The following NBEA variants were observed in gnomAD, a reference collection of about 807,000 sequenced individuals.
NBEA encodes the protein lysosomal-trafficking regulator 2.
In NBEA, 44 loss-of-function variants were observed where a neutral mutation model predicts 343.4. The observed-to-expected ratio is 0.13, with a 90% confidence interval of 0.10 to 0.16. The LOEUF (loss-of-function observed/expected upper bound fraction) is 0.16. NBEA is among the 10% of genes least tolerant of loss of function. NBEA has a pLI of 1.00. For missense variants in NBEA, 2,555 were observed against 3,631.3 expected, an observed-to-expected ratio of 0.70 and a Z score of 7.62; for synonymous variants, 1,175 against 1,238.7, an observed-to-expected ratio of 0.95 and a Z score of 1.08.
chr13:35,046,756 G>A (rs1566205812), intron 4 of NBEA, among the ~76,000 whole-genome samples: 2 of 152,048 alleles, frequency 1.3e-5, no homozygotes, highest in African/African-American at 4.8e-5. Flanking sequence ...ATATCTTAAT[G>A]TACTGTACTC....
chr13:35,440,322 C>G (rs1234022104), intron 39 of NBEA, among the ~76,000 whole-genome samples: 1 of 152,160 alleles, frequency 6.6e-6, no homozygotes, highest in East Asian at 1.9e-4. Context: ...TGTCATGGAA[C>G]TAATTTAGAT....
chr13:34,993,924 A>C (rs181778643), intron 1 of NBEA, among the ~76,000 whole-genome samples: 95 of 152,180 alleles, frequency 6.2e-4, no homozygotes, highest in African/African-American at 2.1e-3. Context: ...GGGGCTGGGC[A>C]TGGTGGCTCA....
intron 1 of NBEA, among the ~76,000 whole-genome samples, chr13:34,992,200 GTGTGTGTGTGTGTGTGTGTATA>G (rs2060777855): frequency 8.1e-6 from 1 of 123,254 alleles, no homozygotes; most frequent in Admixed American, 8.9e-5. Context: ...GTATATATAT[GTGTGTGTGTGTGTGTGTGTATA>G]TGTGTGTGTG....
At chr13:35,341,883 C>G (rs945755239) in intron 36 of NBEA, among the ~76,000 whole-genome samples, 2 of 151,980 alleles carry the variant, frequency 1.3e-5, no homozygotes, top group East Asian at 3.9e-4. Flanking sequence ...GATACATCCT[C>G]AAGAGAATTG....
At chr13:35,475,764 C>G in intron 41 of NBEA, 1 of 1,613,936 alleles carries the variant, frequency 6.2e-7, no homozygotes, top group Non-Finnish European at 8.5e-7. Flanking sequence ...GGATTTTGCG[C>G]GCCGAGAGGT....
intron 27 of NBEA, among the ~76,000 whole-genome samples, chr13:35,174,824 C>T (rs141753591): frequency 0.021 from 3,210 of 149,672 alleles, 114 homozygotes; most frequent in African/African-American, 0.07. Context: ...GATGGAGTCT[C>T]ACTCTGTTGC....
intron 41 of NBEA, among the ~76,000 whole-genome samples, chr13:35,549,137 C>T (rs571020140): frequency 3.3e-5 from 5 of 152,160 alleles, no homozygotes; most frequent in South Asian, 2.1e-4. Flanking sequence ...TTTAAATAGA[C>T]GTCTGACTGC....
intron 36 of NBEA, among the ~76,000 whole-genome samples, chr13:35,332,939 A>G (rs2039018499): frequency 6.6e-6 from 1 of 152,116 alleles, no homozygotes; most frequent in Non-Finnish European, 1.5e-5. Context: ...AGGGGAAGGA[A>G]TTCCCTCAGT....
chr13:35,651,309 G>A (rs1419178444), intron 52 of NBEA, among the ~76,000 whole-genome samples: 1 of 152,012 alleles, frequency 6.6e-6, no homozygotes, highest in East Asian at 1.9e-4. Context: ...TGAAAAAAAG[G>A]CCCCATTGGA....
intron 10 of NBEA, among the ~76,000 whole-genome samples, chr13:35,081,023 A>G (rs1364453263): frequency 6.6e-6 from 1 of 152,162 alleles, no homozygotes; most frequent in Admixed American, 6.6e-5. Context: ...TTATACCGCT[A>G]AAAGGTTTAC....
At chr13:35,320,723 C>A (rs1482319444) in intron 36 of NBEA, among the ~76,000 whole-genome samples, 1 of 152,170 alleles carries the variant, frequency 6.6e-6, no homozygotes, top group African/African-American at 2.4e-5. Context: ...CCATCACTTT[C>A]AGGTACACCA....
intron 29 of NBEA, 59 bp from the exon 30 acceptor site, chr13:35,183,917 G>C: frequency 8.2e-7 from 1 of 1,222,312 alleles, no homozygotes; most frequent in Non-Finnish European, 1.2e-6. Context: ...ATCTTCAGTG[G>C]ACCATGTGGC....
intron 33 of NBEA, among the ~76,000 whole-genome samples, chr13:35,223,358 A>G (rs2074479936): frequency 6.6e-6 from 1 of 152,184 alleles, no homozygotes; most frequent in Non-Finnish European, 1.5e-5. Context: ...TTTGTTGTCT[A>G]AAAGGTCTTT....
At chr13:34,963,254 C>T (rs1473496183) in intron 1 of NBEA, among the ~76,000 whole-genome samples, 2 of 152,106 alleles carry the variant, frequency 1.3e-5, no homozygotes, top group Middle Eastern at 3.4e-3. Flanking sequence ...CTGAACCTTT[C>T]TCCTTGGCTT....
At chr13:34,973,637 G>T (rs2060071039) in intron 1 of NBEA, among the ~76,000 whole-genome samples, 1 of 152,146 alleles carries the variant, frequency 6.6e-6, no homozygotes, top group Non-Finnish European at 1.5e-5. Context: ...GGGCCTGCAG[G>T]CTGGAACAGC....
chr13:35,637,747 G>A (rs182897991), intron 49 of NBEA, among the ~76,000 whole-genome samples: 5 of 152,010 alleles, frequency 3.3e-5, no homozygotes, highest in East Asian at 1.9e-4. Context: ...ACTTGAACCC[G>A]GGAGGCGGAG....
At chr13:35,404,042 C>T (rs530501272) in intron 38 of NBEA, among the ~76,000 whole-genome samples, 60 of 152,252 alleles carry the variant, frequency 3.9e-4, no homozygotes, top group African/African-American at 1.3e-3. Context: ...AAATCAAAAC[C>T]ACAATGAGAT....
intron 45 of NBEA, among the ~76,000 whole-genome samples, chr13:35,572,783 G>A (rs1157373063): frequency 4.6e-5 from 7 of 152,018 alleles, no homozygotes; most frequent in Non-Finnish European, 1.0e-4. Flanking sequence ...ACCCAGGCTG[G>A]AGTGCAGTGG....
rs1487379171 is a variant in NBEA at position 35,309,507 on chromosome 13, T to C, written c.5839-21T>C. ...ATTAAGTGTTCACTTTTCTCACGTT[T>C]GTTTTGGTTTCTCCTTTTAGGAATG... On this transcript the variant is annotated intron_variant, in intron 35 of 58. Transcript: ENST00000379939. 83 of 1,518,260 alleles carry C rather than the reference T, an allele frequency of 5.5e-5. 1 individual carries two copies. The East Asian group carries it at 1.9e-3, about 35-fold the overall frequency. The allele number at this position is 1,518,260 out of a possible 1,614,324, so 94.0% of individuals were successfully genotyped here.
Sources: gnomAD v4.1 joint callset for allele counts (sites outside exome capture counted in the v4.1 genomes callset) on GRCh38, gnomAD v4.1.1 for gene constraint, MANE v1.5 for transcripts, NCBI Gene and HGNC (gene_info 2026-07-23, HGNC 2026-07-21) for gene names.